Variants in CD40 observed in about 807,000 individuals in gnomAD.
The protein encoded by CD40 is CD40 molecule.
CD40 carries 19 observed loss-of-function variants against 38.5 expected under a neutral mutation model. The observed-to-expected ratio is 0.49, with a 90% CI of 0.34 to 0.72. CD40 has a LOEUF of 0.72. Among genes scored for constraint, CD40 ranks in the 30% least tolerant of loss-of-function variants. CD40 has a pLI of 0.01. For missense variants in CD40, 256 were observed against 344.1 expected (o/e 0.74, Z 2.03); for synonymous variants, 130 against 128.7 (o/e 1.01, Z -0.07).
intron 5 of CD40, among the ~76,000 whole-genome samples, chr20:46,125,925 C>G (rs944327617): frequency 6.6e-6 from 1 of 152,194 alleles, no homozygotes; most frequent in Non-Finnish European, 1.5e-5. Flanking sequence ...TGCCACCTGC[C>G]TTATTTCCCC....
chr20:46,119,932 G>A (rs560953050), intron 1 of CD40, among the ~76,000 whole-genome samples: 9 of 152,258 alleles, frequency 5.9e-5, no homozygotes, highest in South Asian at 2.1e-4. Context: ...TTAGGGGAGC[G>A]TTTTATTTCT....
chr20:46,128,938 C>T lies in CD40; in HGVS notation c.732C>T (p.Gly244=). The change falls in exon 9 of 9, where the codon GGC becomes GGT. Residue 244 remains glycine (G), a synonymous_variant. Transcript: ENST00000372285. ...QEINFPDDLP[G]SNTAAPVQET... ...TCAATTTTCCCGACGATCTTCCTGGCTCCAACACTGCTGCTCCAGTGCAGG... is the reference window on the plus strand; with the variant it reads ...TCAATTTTCCCGACGATCTTCCTGGTTCCAACACTGCTGCTCCAGTGCAGG... 3 of 1,614,214 alleles carry T rather than the reference C, an allele frequency of 1.9e-6. No individual in the cohort carries two copies. The highest frequency in any genetic ancestry group is 1.3e-5 in the African/African-American group (1 of 75,054).
Position 46,129,196 on chromosome 20 carries a change from C to G in CD40, c.*156C>G. On this transcript the variant is annotated 3_prime_UTR_variant, in exon 9 of 9. Transcript: ENST00000372285. ...CACCCCTGCAGTTTGAGACAGGAGA[C>G]CTGGCACTGGATGCAGAAACAGTTC... 1 of 774,476 alleles carries G rather than the reference C, an allele frequency of 1.3e-6. No individual in the cohort carries two copies. The highest frequency in any genetic ancestry group is 2.0e-5 in the Admixed American group (1 of 49,548). 48.0% of individuals were successfully genotyped at this position (774,476 alleles called of 1,614,324 possible).
Position 46,122,111 on chromosome 20 carries a change from T to C in CD40, c.131-122T>C. On this transcript the variant is annotated intron_variant, in intron 2 of 8. Coordinates refer to ENST00000372285, the MANE Select transcript of CD40 (RefSeq NM_001250.6). This position sits in a 1 kb window ranked among gnomAD's most constrained non-coding sequence, Gnocchi z 5.0. ...CTTCTCCATCTTCCTCGCCTGATTA[T>C]GAAGGATCCAAGACTTTCATCTTTG... 1 of 1,319,572 alleles carries C rather than the reference T, an allele frequency of 7.6e-7. No homozygotes were observed. The highest frequency in any genetic ancestry group is 1.1e-6 in the Non-Finnish European group (1 of 918,024). The allele number at this position is 1,319,572 out of a possible 1,614,324, so 81.7% of individuals were successfully genotyped here.
chr20:46,128,802 G>A (rs1430882223), intron 8 of CD40, 80 bp from the exon 9 acceptor site: 1 of 1,477,514 alleles, frequency 6.8e-7, no homozygotes, highest in Admixed American at 1.7e-5. Flanking sequence ...TTGGGGAAGG[G>A]ATCCGCTTCC....
intron 1 of CD40, among the ~76,000 whole-genome samples, chr20:46,118,681 C>T (rs1253344503): frequency 6.6e-6 from 1 of 152,164 alleles, no homozygotes; most frequent in Non-Finnish European, 1.5e-5. Context: ...CAGAGGCTGG[C>T]CACACAGAGA....
intron 5 of CD40, among the ~76,000 whole-genome samples, chr20:46,123,942 T>C (rs1003363413): frequency 2.6e-5 from 4 of 152,260 alleles, no homozygotes; most frequent in Admixed American, 2.6e-4. Context: ...TCATGCTACT[T>C]GCAATCCTCT....
rs1418251030 is a variant in CD40 at position 46,122,935 on chromosome 20, A to T, written c.403+179A>T. ...GACCTTGTTCATTCTGCCTTCTGCC[A>T]TGGGGATCTGCCTTTGAAGGGCAAT... On this transcript the variant is annotated intron_variant, in intron 4 of 8. Coordinates refer to ENST00000372285, the MANE Select transcript of CD40 (RefSeq NM_001250.6). The surrounding 1 kb of genome is among the most constrained non-coding windows in gnomAD (Gnocchi z 5.0). 5 of 927,672 alleles carry T rather than the reference A, an allele frequency of 5.4e-6. No homozygotes were observed. In the East Asian group the frequency reaches 7.8e-5, roughly 15 times the overall value. 57.5% of individuals were successfully genotyped at this position (927,672 alleles called of 1,614,324 possible).
intron 6 of CD40, chr20:46,127,919 A>T (rs957093926): frequency 2.9e-5 from 24 of 817,664 alleles, no homozygotes; most frequent in Admixed American, 5.4e-5. Context: ...GTGATCTCCC[A>T]GTTTAAAAAT....
chr20:46,128,011 G>A, intron 6 of CD40, 127 bp from the exon 7 acceptor site: 20 of 1,577,464 alleles, frequency 1.3e-5, no homozygotes, highest in East Asian at 1.1e-4. Flanking sequence ...CAAGGACCGC[G>A]GTTTGAACCT....
At chr20:46,118,475 G>A in intron 1 of CD40, 81 bp downstream of exon 1, 1 of 1,003,098 alleles carries the variant, frequency 1.0e-6, no homozygotes, top group East Asian at 3.3e-5. Flanking sequence ...CGGGGAAGAG[G>A]CCTTCCTGGC....
chr20:46,122,409 G>A lies in CD40; in HGVS notation c.256+51G>A, dbSNP rs369286250. On this transcript the variant is annotated intron_variant, in intron 3 of 8. Coordinates refer to ENST00000372285, the MANE Select transcript of CD40 (RefSeq NM_001250.6). This position sits in a 1 kb window ranked among gnomAD's most constrained non-coding sequence, Gnocchi z 5.0. ...GCTTGGGAACCGGGCTGATATTCCCGACAATGCAGCCATTCTAATTTTATG... is the reference window on the plus strand; with the variant it reads ...GCTTGGGAACCGGGCTGATATTCCCAACAATGCAGCCATTCTAATTTTATG... 1.6e-4 allele frequency: 261 copies of A among 1,612,608 alleles called. 4 individuals are homozygous for A. The highest frequency in any genetic ancestry group is 1.4e-3 in the South Asian group (129 of 90,994).
At chr20:46,124,751 GTT>G (rs780015926) in intron 5 of CD40, among the ~76,000 whole-genome samples, 1,961 of 73,904 alleles carry the variant, frequency 0.027, 120 homozygotes, top group African/African-American at 0.093. Flanking sequence ...CACTGGTATA[GTT>G]TTTTTTTTTT....
intron 5 of CD40, among the ~76,000 whole-genome samples, chr20:46,124,328 T>C (rs1407004206): frequency 1.3e-5 from 2 of 152,086 alleles, no homozygotes; most frequent in Non-Finnish European, 2.9e-5. Context: ...CCATTAACTT[T>C]TTGCATTTGA....
chr20:46,128,427 G>A (rs747210864), intron 8 of CD40, 69 bp downstream of exon 8: 1 of 1,547,004 alleles, frequency 6.5e-7, no homozygotes, highest in Non-Finnish European at 8.9e-7. Context: ...GGTTGCCTAT[G>A]GGGCAGTAAA....
At position 46,129,129 on chromosome 20, in the gene CD40, AG is replaced by A. The variant is rs1293394431; in HGVS notation, c.*93del. The stretch of plus-strand genomic sequence containing the variant: ...CTGCTGCTGCTGTGGCGTGAGGGTG[AG>A]GGGCTGGCACTGACTGGGCATAGCT... On this transcript the variant is annotated 3_prime_UTR_variant, in exon 9 of 9. Transcript: ENST00000372285. 4.1e-6 allele frequency: 6 copies of A among 1,471,756 alleles called. No homozygotes were observed. Among genetic ancestry groups the A allele is most frequent in the Non-Finnish European group, 5.7e-6 (6 of 1,058,570 alleles). 91.2% of individuals were successfully genotyped at this position (1,471,756 alleles called of 1,614,324 possible). A position where few individuals can be genotyped will look rare whatever the true frequency, so the allele number is the denominator to read the frequency against.
At position 46,129,198 on chromosome 20, in the gene CD40, T is replaced by C. The variant is rs988084488; in HGVS notation, c.*158T>C. On this transcript the variant is annotated 3_prime_UTR_variant, in exon 9 of 9. Transcript: ENST00000372285. The stretch of plus-strand genomic sequence containing the variant: ...CCCCTGCAGTTTGAGACAGGAGACC[T>C]GGCACTGGATGCAGAAACAGTTCAC... 6.7e-6 allele frequency: 5 copies of C among 750,698 alleles called. No homozygotes were observed. Among genetic ancestry groups the C allele is most frequent in the Non-Finnish European group, 1.1e-5 (5 of 434,800 alleles). 46.5% of individuals were successfully genotyped at this position (750,698 alleles called of 1,614,324 possible).
rs1199945739 is a variant in CD40 at position 46,129,312 on chromosome 20, T to TG, written c.*276dup. On this transcript the variant is annotated 3_prime_UTR_variant, in exon 9 of 9. Transcript: ENST00000372285. ...GGCAGAAGTTTGGTGGTGGTGGTGT[T>TG]GGGGTATGGTTTAGTAATATCCACC... is the stretch of plus-strand genomic sequence containing the variant. The TG allele has an allele frequency of 8.4e-6, 4 of 475,932 alleles. No individual in the cohort carries two copies. The highest frequency in any genetic ancestry group is 7.8e-5 in the African/African-American group (4 of 50,966). 29.5% of individuals were successfully genotyped at this position (475,932 alleles called of 1,614,324 possible).
chr20:46,122,598 T>G lies in CD40; in HGVS notation c.257-12T>G. 6.2e-7 allele frequency: 1 copy of G among 1,614,088 alleles called. No individual in the cohort carries two copies. The highest frequency in any genetic ancestry group is 8.5e-7 in the Non-Finnish European group (1 of 1,180,014). On this transcript the variant is annotated splice_polypyrimidine_tract_variant and intron_variant, in intron 3 of 8. Coordinates refer to ENST00000372285, the MANE Select transcript of CD40 (RefSeq NM_001250.6). The surrounding 1 kb of genome is among the most constrained non-coding windows in gnomAD (Gnocchi z 5.0). ...CAGGGGGTTCCCATCCTTCCTGCCC[T>G]TCTCTTCTCAGACCTAGGGCTTCGG...
Sources: allele counts gnomAD v4.1 joint callset (sites outside exome capture counted in the v4.1 genomes callset), GRCh38; gene constraint gnomAD v4.1.1; non-coding constraint Gnocchi (gnomAD v3.1); transcripts MANE v1.5; gene names NCBI Gene and HGNC (gene_info 2026-07-23, HGNC 2026-07-21).